SLC9C1: variants seen among roughly 807,000 people sequenced by gnomAD.
SLC9C1 encodes sodium/hydrogen exchanger 10.
A neutral mutation model predicts 140.9 loss-of-function variants in SLC9C1; 97 were observed. That is an observed-to-expected ratio of 0.69 (90% CI 0.58 to 0.82). SLC9C1 has a LOEUF of 0.82. SLC9C1 is among the 40% of genes least tolerant of loss of function. The pLI is 0.00. For synonymous variants in SLC9C1, 440 were observed against 442.6 expected, an observed-to-expected ratio of 0.99 and a Z score of 0.07; for missense variants, 1,340 against 1,389.3, an observed-to-expected ratio of 0.96 and a Z score of 0.56.
chr3:112,173,220 T>G (rs1047460037), intron 23 of SLC9C1, among the ~76,000 whole-genome samples: 1 of 152,224 alleles, frequency 6.6e-6, no homozygotes, highest in African/African-American at 2.4e-5. Context: ...AATCTCAGTA[T>G]GTATAGTACT....
intron 13 of SLC9C1, among the ~76,000 whole-genome samples, chr3:112,221,582 A>G (rs1441438412): frequency 1.3e-5 from 2 of 152,158 alleles, no homozygotes; most frequent in South Asian, 2.1e-4. Context: ...AGTAAAAAAA[A>G]ATCCTACTAT....
chr3:112,218,445 A>AC (rs2078448219), intron 14 of SLC9C1, among the ~76,000 whole-genome samples: 1 of 143,252 alleles, frequency 7.0e-6, no homozygotes, highest in Non-Finnish European at 1.6e-5. Context: ...TTGTATATAT[A>AC]TTTTTTTTTT....
intron 2 of SLC9C1, among the ~76,000 whole-genome samples, chr3:112,285,772 A>AT (rs553551252): frequency 3.9e-4 from 59 of 151,434 alleles, no homozygotes; most frequent in Non-Finnish European, 7.4e-5. Context: ...TTTACTTTTT[A>AT]TTTTTTTTCT....
intron 28 of SLC9C1, among the ~76,000 whole-genome samples, chr3:112,142,231 A>T (rs1017374412): frequency 1.3e-5 from 2 of 152,228 alleles, no homozygotes; most frequent in African/African-American, 4.8e-5. Context: ...CAAAGGAAAT[A>T]GATGTTACCA....
intron 10 of SLC9C1, among the ~76,000 whole-genome samples, chr3:112,245,496 A>G (rs1161771424): frequency 6.6e-6 from 1 of 151,594 alleles, no homozygotes. Flanking sequence ...TTTTTCTCTC[A>G]TTGAACTGTT....
chr3:112,281,179 C>T (rs932824760), intron 2 of SLC9C1, among the ~76,000 whole-genome samples: 6 of 152,144 alleles, frequency 3.9e-5, no homozygotes, highest in Non-Finnish European at 7.3e-5. Flanking sequence ...AGAAACTAGA[C>T]CAACTTAAAA....
At chr3:112,145,446 G>A (rs769629056) in intron 28 of SLC9C1, among the ~76,000 whole-genome samples, 13 of 152,128 alleles carry the variant, frequency 8.5e-5, no homozygotes, top group Non-Finnish European at 1.8e-4. Flanking sequence ...GCCAGGTTTT[G>A]ATATCAGGGT....
chr3:112,231,997 G>A (rs9288945), intron 12 of SLC9C1, among the ~76,000 whole-genome samples: 1,537 of 152,236 alleles, frequency 0.01, 28 homozygotes, highest in African/African-American at 0.034. Context: ...GTGAACACAC[G>A]TAAAGGAAAT....
chr3:112,250,443 G>A lies in SLC9C1; in HGVS notation c.1198-6367C>T, dbSNP rs369439231. On this transcript the variant is annotated intron_variant, in intron 10 of 28. Transcript: ENST00000305815. ...GTATATACCTAGTAATGGGATGGCT[G>A]GGTCAAATGGTATTTCTAGTTCTAG... 2.6e-4 allele frequency among the ~76,000 whole-genome samples: 35 copies of A among 135,272 alleles called. No individual in the cohort carries two copies. In the East Asian group the frequency reaches 3.0e-3, roughly 12 times the overall value. The allele number at this position is 135,272 out of a possible 152,430, so 88.7% of individuals were successfully genotyped here.
intron 10 of SLC9C1, among the ~76,000 whole-genome samples, chr3:112,261,292 T>C (rs930181764): frequency 6.6e-6 from 1 of 152,116 alleles, no homozygotes; most frequent in Non-Finnish European, 1.5e-5. Flanking sequence ...CCTAAATCAA[T>C]CTAAAGTGCA....
Position 112,155,068 on chromosome 3 carries a change from AAC to A in SLC9C1, c.3365-21_3365-20del, listed in dbSNP as rs112312670. The A allele has an allele frequency of 1.3e-6, 2 of 1,594,672 alleles. No individual in the cohort carries two copies. Among genetic ancestry groups the A allele is most frequent in the Non-Finnish European group, 8.5e-7 (1 of 1,173,044 alleles). On this transcript the variant is annotated intron_variant, in intron 26 of 28. Transcript: ENST00000305815. ...ACTGAACCTGATTAAAAAAAAAAAA[AAC>A]AGTGTTAATTCAACCACTGAAGCAA...
intron 15 of SLC9C1, among the ~76,000 whole-genome samples, chr3:112,217,006 C>T (rs916207721): frequency 3.9e-5 from 6 of 152,086 alleles, no homozygotes; most frequent in African/African-American, 1.2e-4. Context: ...ACATATACAC[C>T]GTGGAATACT....
rs369880354 is a variant in SLC9C1 at position 112,224,843 on chromosome 3, TAGAA to T, written c.1573-3622_1573-3619del. Among the ~76,000 whole-genome samples the T allele has an allele frequency of 1.0e-3, 153 of 151,458 alleles. 3 individuals carry two copies. The East Asian group carries it at 0.013, about 13-fold the overall frequency. ...AGAGAAAGAAAGAAAGATAGATAGA[TAGAA>T]AGAGCGAGCCAAAGAACCCAAGAGA... On this transcript the variant is annotated intron_variant, in intron 13 of 28. Transcript: ENST00000305815.
chr3:112,213,610 A>G (rs1260664532), intron 15 of SLC9C1, among the ~76,000 whole-genome samples: 1 of 152,232 alleles, frequency 6.6e-6, no homozygotes, highest in Non-Finnish European at 1.5e-5. Flanking sequence ...GAGACAAAGA[A>G]GGCCATTACA....
At chr3:112,209,408 C>T (rs928795255) in intron 15 of SLC9C1, among the ~76,000 whole-genome samples, 9 of 152,122 alleles carry the variant, frequency 5.9e-5, no homozygotes, top group South Asian at 4.1e-4. Flanking sequence ...CCATGTTTGG[C>T]AAAGCATGGC....
chr3:112,154,787 G>A (rs147077672), intron 27 of SLC9C1, among the ~76,000 whole-genome samples: 88 of 152,178 alleles, frequency 5.8e-4, no homozygotes, highest in Non-Finnish European at 1.0e-3. Flanking sequence ...CTTGAACTTC[G>A]TTTTTCTTTG....
chr3:112,228,407 A>C (rs2078736254), intron 13 of SLC9C1, among the ~76,000 whole-genome samples: 1 of 152,088 alleles, frequency 6.6e-6, no homozygotes. Context: ...AAATAGATTA[A>C]AGACTCACAA....
chr3:112,164,054 G>C (rs2075388870), intron 26 of SLC9C1, among the ~76,000 whole-genome samples: 1 of 151,854 alleles, frequency 6.6e-6, no homozygotes, highest in South Asian at 2.1e-4. Context: ...TTTGATCTTT[G>C]TTGGTTTAAA....
chr3:112,262,362 G>A (rs905167203), intron 10 of SLC9C1, among the ~76,000 whole-genome samples: 3 of 151,208 alleles, frequency 2.0e-5, no homozygotes, highest in African/African-American at 7.3e-5. Context: ...TTTTACATTT[G>A]GAATTTTTGT....
Sources: allele counts gnomAD v4.1 joint callset (sites outside exome capture counted in the v4.1 genomes callset), GRCh38; gene constraint gnomAD v4.1.1; transcripts MANE v1.5; gene names NCBI Gene and HGNC (gene_info 2026-07-23, HGNC 2026-07-21).